Variants in SRP54 observed in about 807,000 individuals in gnomAD.
SRP54 encodes the protein signal recognition particle subunit SRP54.
Under a neutral mutation model 64.8 loss-of-function variants are expected in SRP54, and 10 were observed. The observed-to-expected ratio is 0.15, with a 90% CI of 0.10 to 0.26. The LOEUF is 0.26. SRP54 is among the 10% of genes least tolerant of loss of function. SRP54 has a pLI of 1.00. For missense variants in SRP54, 325 were observed against 613.7 expected (o/e 0.53, Z 4.97); for synonymous variants, 193 against 185.6 (o/e 1.04, Z -0.32).
chr14:35,028,930 T>A, intron 15 of SRP54, 131 bp from the exon 16 acceptor site: 1 of 681,596 alleles, frequency 1.5e-6, no homozygotes, highest in Non-Finnish European at 2.4e-6. Flanking sequence ...GTACGTTCTT[T>A]AAGGCTGATG....
intron 1 of SRP54, among the ~76,000 whole-genome samples, chr14:34,995,117 A>G (rs1594982507): frequency 7.3e-6 from 1 of 136,686 alleles, no homozygotes; most frequent in East Asian, 2.1e-4. Flanking sequence ...TGTTCCAGAG[A>G]AGCAGAATCA....
intron 7 of SRP54, 21 bp from the exon 8 acceptor site, chr14:35,011,488 T>G: frequency 7.1e-7 from 1 of 1,400,646 alleles, no homozygotes; most frequent in Non-Finnish European, 9.4e-7. Context: ...TTTTGTTAAA[T>G]CATTTGTCCA....
In SRP54 at chr14:34,996,659, A is replaced by AT. The variant is rs376465221; in HGVS notation, c.-33-10dup. ...AAGTGAAATTGATTATTCTCACTTAATTTTTTTTCTGCTGTAGAGTTCTTC... is the reference window on the plus strand; with the variant it reads ...AAGTGAAATTGATTATTCTCACTTAATTTTTTTTTCTGCTGTAGAGTTCTTC... On this transcript the variant is annotated splice_polypyrimidine_tract_variant and intron_variant, in intron 1 of 15. Transcript: ENST00000216774. 21 of 1,279,942 alleles carry AT rather than the reference A, an allele frequency of 1.6e-5. No individual in the cohort carries two copies. Among genetic ancestry groups the AT allele is most frequent in the Non-Finnish European group, 2.2e-5 (19 of 876,266 alleles). The allele number at this position is 1,279,942 out of a possible 1,614,324, so 79.3% of individuals were successfully genotyped here. A position where few individuals can be genotyped will look rare whatever the true frequency, so the allele number is the denominator to read the frequency against.
intron 14 of SRP54, among the ~76,000 whole-genome samples, chr14:35,024,503 T>C (rs1280440441): frequency 6.6e-6 from 1 of 152,180 alleles, no homozygotes; most frequent in Non-Finnish European, 1.5e-5. Context: ...CCTTAAAATC[T>C]TTGGTTTATG....
chr14:35,027,540 G>A (rs981287342), intron 14 of SRP54, among the ~76,000 whole-genome samples: 9 of 152,204 alleles, frequency 5.9e-5, no homozygotes, highest in South Asian at 2.1e-4. Flanking sequence ...AGTGGGTCAC[G>A]AGGTCAGGTG....
intron 2 of SRP54, 145 bp downstream of exon 2, chr14:34,996,932 G>A (rs1449284049): frequency 2.1e-6 from 1 of 482,842 alleles, no homozygotes; most frequent in Non-Finnish European, 3.6e-6. Context: ...GATACAGTAA[G>A]TAGTGTTTTA....
At chr14:35,004,107 A>G (rs1026946112) in intron 4 of SRP54, among the ~76,000 whole-genome samples, 1 of 151,760 alleles carries the variant, frequency 6.6e-6, no homozygotes, top group African/African-American at 2.4e-5. Context: ...AAAATTAGCC[A>G]TGTCTAGTGG....
Position 35,018,757 on chromosome 14 carries a change from C to T in SRP54, c.1039C>T (p.Gln347Ter). The change falls in exon 12 of 16, where the codon CAG (glutamine) becomes TAG (stop). Residue 347 changes from glutamine to a stop codon, truncating the protein, a stop_gained. Transcript: ENST00000216774. LOFTEE classifies it high-confidence loss of function. ...QNIMKMGPFS[Q>*]ILGMIPGFGT... is the part of the protein sequence containing the mutation. ...TATCATGAAAATGGGCCCCTTCAGT[C>T]AGATCTTGGTTAGTTATCCTTAAAA... 6.2e-7 allele frequency: 1 copy of T among 1,613,308 alleles called. No homozygotes were observed. Among genetic ancestry groups the T allele is most frequent in the Non-Finnish European group, 8.5e-7 (1 of 1,179,654 alleles).
In SRP54 at chr14:35,011,566, T is replaced by C; in HGVS notation, c.543T>C (p.Asn181=). 1.9e-6 allele frequency: 3 copies of C among 1,586,270 alleles called. No individual in the cohort carries two copies. Among genetic ancestry groups the C allele is most frequent in the Non-Finnish European group, 2.6e-6 (3 of 1,162,488 alleles). Residue 181 remains asparagine (N), a synonymous_variant, in exon 8 of 16, where the codon AAT becomes AAC. Coordinates refer to ENST00000216774, the MANE Select transcript of SRP54 (RefSeq NM_003136.4). Reference sequence around the variant, plus strand: ...CTGAAGGAGTAGAGAAATTTAAAAATGAAAATTTTGAAATTATTATTGTTG... The same window carrying C: ...CTGAAGGAGTAGAGAAATTTAAAAACGAAAATTTTGAAATTATTATTGTTG... The part of the protein sequence containing the change: ...IASEGVEKFK[N]ENFEIIIVDT...
At position 35,011,492 on chromosome 14, in the gene SRP54, T is replaced by C. The variant is rs372821239; in HGVS notation, c.486-17T>C. On this transcript the variant is annotated splice_polypyrimidine_tract_variant and intron_variant, in intron 7 of 15. Coordinates refer to ENST00000216774, the MANE Select transcript of SRP54 (RefSeq NM_003136.4). ...AAGTTTTGTCGTTTTGTTAAATCAT[T>C]TGTCCATGTTATATAGCTATACAGA... 5 of 1,407,128 alleles carry C rather than the reference T, an allele frequency of 3.6e-6. No individual in the cohort carries two copies. Among genetic ancestry groups the C allele is most frequent in the Admixed American group, 4.9e-5 (2 of 41,102 alleles). The allele number at this position is 1,407,128 out of a possible 1,614,324, so 87.2% of individuals were successfully genotyped here. A position where few individuals can be genotyped will look rare whatever the true frequency, so the allele number is the denominator to read the frequency against.
intron 4 of SRP54, among the ~76,000 whole-genome samples, chr14:35,003,570 TGG>T (rs1472844516): frequency 1.8e-5 from 2 of 111,588 alleles, no homozygotes; most frequent in Non-Finnish European, 4.1e-5. Flanking sequence ...TTGGTTTTTT[TGG>T]TTTTTTTTTT....
At chr14:35,024,480 C>G (rs1472108331) in intron 14 of SRP54, among the ~76,000 whole-genome samples, 4 of 152,096 alleles carry the variant, frequency 2.6e-5, no homozygotes, top group Non-Finnish European at 1.5e-5. Flanking sequence ...CCCCTTATAT[C>G]TTTGTAATAG....
intron 13 of SRP54, 24 bp downstream of exon 13, chr14:35,019,098 C>T (rs758293664): frequency 9.7e-6 from 15 of 1,547,654 alleles, no homozygotes; most frequent in Admixed American, 3.4e-5. Context: ...TTATTTTCCT[C>T]AGGCAAAAAT....
At chr14:34,987,672 G>A (rs2043920701) in intron 1 of SRP54, among the ~76,000 whole-genome samples, 1 of 151,856 alleles carries the variant, frequency 6.6e-6, no homozygotes, top group Admixed American at 6.6e-5. Flanking sequence ...TTACTTATCC[G>A]TTCATAAGTT....
chr14:34,986,907 C>G (rs1169387051), intron 1 of SRP54, among the ~76,000 whole-genome samples: 2 of 151,014 alleles, frequency 1.3e-5, no homozygotes, highest in African/African-American at 4.9e-5. Flanking sequence ...ATTCATCATC[C>G]AGAGATAACA....
chr14:35,018,393 A>G (rs191598883), intron 11 of SRP54, among the ~76,000 whole-genome samples: 3 of 152,168 alleles, frequency 2.0e-5, no homozygotes, highest in African/African-American at 7.2e-5. Context: ...AACCTTTAAA[A>G]TTTTACTCAT....
intron 4 of SRP54, among the ~76,000 whole-genome samples, chr14:35,003,371 ACTCT>A (rs1189144601): frequency 1.5e-5 from 2 of 130,150 alleles, no homozygotes; most frequent in East Asian, 7.2e-4. Context: ...TAGTTTCTGG[ACTCT>A]CTATTTATTT....
Position 35,001,039 on chromosome 14 carries a change from T to A in SRP54, c.255+19T>A. 1 of 1,365,104 alleles carries A rather than the reference T, an allele frequency of 7.3e-7. No individual in the cohort carries two copies. The highest frequency in any genetic ancestry group is 1.0e-6 in the Non-Finnish European group (1 of 978,400). The allele number at this position is 1,365,104 out of a possible 1,614,324, so 84.6% of individuals were successfully genotyped here. A position where few individuals can be genotyped will look rare whatever the true frequency, so the allele number is the denominator to read the frequency against. On this transcript the variant is annotated intron_variant, in intron 4 of 15. Coordinates refer to ENST00000216774, the MANE Select transcript of SRP54 (RefSeq NM_003136.4). The stretch of plus-strand genomic sequence containing the variant: ...TGTGAAGGTAAAAGTATATGAAGAT[T>A]ATGCTGTGATTCTATACTCAGTGGA...
intron 11 of SRP54, among the ~76,000 whole-genome samples, chr14:35,015,476 A>C (rs1041526530): frequency 6.6e-6 from 1 of 152,242 alleles, no homozygotes; most frequent in African/African-American, 2.4e-5. Flanking sequence ...ACTCCTGTAG[A>C]GAAGGATATT....
Sources: allele counts gnomAD v4.1 joint callset (sites outside exome capture counted in the v4.1 genomes callset), GRCh38; gene constraint gnomAD v4.1.1; transcripts MANE v1.5; gene names NCBI Gene and HGNC (gene_info 2026-07-23, HGNC 2026-07-21).